Variants in RBM38 observed in about 807,000 individuals in gnomAD.
The protein encoded by RBM38 is RNA-binding protein 38.
In RBM38, 11 loss-of-function variants were observed where a neutral mutation model predicts 23.5. The observed-to-expected ratio is 0.47, with a 90% CI of 0.29 to 0.77. The LOEUF (loss-of-function observed/expected upper bound fraction) is 0.77. Among genes scored for constraint, RBM38 ranks in the 30% least tolerant of loss-of-function variants. RBM38 has a pLI of 0.08. For missense variants in RBM38, 330 were observed against 351.9 expected, an observed-to-expected ratio of 0.94 and a Z score of 0.50; for synonymous variants, 165 against 166.1, an observed-to-expected ratio of 0.99 and a Z score of 0.05.
At chr20:57,403,206 G>A (rs1320868009) in intron 3 of RBM38, among the ~76,000 whole-genome samples, 1 of 152,196 alleles carries the variant, frequency 6.6e-6, no homozygotes, top group Non-Finnish European at 1.5e-5. Flanking sequence ...GCACCTCTAG[G>A]CCTCACAGCA....
intron 2 of RBM38, 40 bp downstream of exon 2, chr20:57,392,817 C>G (rs1453129928): frequency 1.2e-5 from 19 of 1,602,468 alleles, no homozygotes; most frequent in Non-Finnish European, 1.6e-5. Context: ...TTCTCGGTTT[C>G]TATATTGGGT....
chr20:57,391,457 A>AG lies in RBM38; in HGVS notation c.-125_-124insG, dbSNP rs200611001. ...GGCGCACGTCGGCGCGCACGGCGGG[A>AG]CGGGCGCCGGAGTGGTCGGGCCTGG... is the stretch of plus-strand genomic sequence containing the variant. On this transcript the variant is annotated 5_prime_UTR_variant, in exon 1 of 4. Coordinates refer to ENST00000356208, the MANE Select transcript of RBM38 (RefSeq NM_017495.6). 155,903 of 156,202 alleles carry AG rather than the reference A, an allele frequency of 1. 77,868 individuals carry two copies. Among genetic ancestry groups the AG allele is most frequent in the Middle Eastern group, 1 (310 of 310 alleles). 9.7% of individuals were successfully genotyped at this position (156,202 alleles called of 1,614,324 possible).
rs1267252936 is a variant in RBM38, at chr20:57,407,598, C to G, written c.472C>G (p.Pro158Ala). The change falls in exon 4 of 4, where the codon CCA becomes GCA. Residue 158 changes from proline (P) to alanine (A), a missense_variant. Transcript: ENST00000356208. This position sits in a 1 kb window ranked among gnomAD's most constrained non-coding sequence, Gnocchi z 4.0. ...PAIVQPSVVI[P>A]AAPVPSLSSP... ...CATCGTGCAGCCCAGCGTGGTGATC[C>G]CAGCCGCCCCTGTCCCGTCGCTGTC... 7 of 1,613,764 alleles carry G rather than the reference C, an allele frequency of 4.3e-6. No homozygotes were observed. The highest frequency in any genetic ancestry group is 5.9e-6 in the Non-Finnish European group (7 of 1,179,854).
At chr20:57,403,421 C>T (rs1201283426) in intron 3 of RBM38, among the ~76,000 whole-genome samples, 1 of 152,204 alleles carries the variant, frequency 6.6e-6, no homozygotes, top group Non-Finnish European at 1.5e-5. Context: ...CTCACTCCCC[C>T]TTGGGGCTTG....
intron 3 of RBM38, among the ~76,000 whole-genome samples, chr20:57,406,601 C>A (rs529138939): frequency 6.6e-6 from 1 of 152,206 alleles, no homozygotes; most frequent in Admixed American, 6.5e-5. Flanking sequence ...TCTCTGTGGT[C>A]ACCGCCATTG....
rs1489926379 is a variant in RBM38 at position 57,409,126 on chromosome 20, A to C, written c.*1280A>C. The C allele has an allele frequency of 6.6e-6, 1 of 150,404 alleles. No individual in the cohort carries two copies. Among genetic ancestry groups the C allele is most frequent in the African/African-American group, 2.5e-5 (1 of 40,466 alleles). The allele number at this position is 150,404 out of a possible 1,614,324, so 9.3% of individuals were successfully genotyped here. A position where few individuals can be genotyped will look rare whatever the true frequency, so the allele number is the denominator to read the frequency against. On this transcript the variant is annotated 3_prime_UTR_variant, in exon 4 of 4. Coordinates refer to ENST00000356208, the MANE Select transcript of RBM38 (RefSeq NM_017495.6). ...GGGCTGTGGGGGTCTGGAGGAGGGG[A>C]CATGAGGTGAGAGGTATCCTGGCCG...
chr20:57,398,238 G>A (rs2067293909), intron 3 of RBM38, among the ~76,000 whole-genome samples: 1 of 145,820 alleles, frequency 6.9e-6, no homozygotes, highest in South Asian at 2.1e-4. Flanking sequence ...GGAGCTGTTT[G>A]CAGGTGATGG....
intron 3 of RBM38, among the ~76,000 whole-genome samples, chr20:57,402,679 C>T (rs541720601): frequency 2.6e-5 from 4 of 152,354 alleles, no homozygotes; most frequent in East Asian, 1.9e-4. Context: ...TGCGTGCACC[C>T]GCTCCCCATT....
chr20:57,401,105 C>A lies in RBM38; in HGVS notation c.417-6438C>A, dbSNP rs542079091. Among the ~76,000 whole-genome samples, 10 of 152,346 alleles carry A rather than the reference C, an allele frequency of 6.6e-5. No homozygotes were observed. In the South Asian group the frequency reaches 2.1e-3, roughly 32 times the overall value. On this transcript the variant is annotated intron_variant, in intron 3 of 3. Coordinates refer to ENST00000356208, the MANE Select transcript of RBM38 (RefSeq NM_017495.6). Reference sequence around the variant, plus strand: ...CCTGGCCGCTGGTCTGTTTTGCTCACCAAGGGTTCTTGGCTGCTGCCCCCT... The same window carrying A: ...CCTGGCCGCTGGTCTGTTTTGCTCAACAAGGGTTCTTGGCTGCTGCCCCCT...
chr20:57,397,804 A>C (rs1259093186), intron 3 of RBM38, among the ~76,000 whole-genome samples: 2 of 152,158 alleles, frequency 1.3e-5, no homozygotes, highest in Admixed American at 6.5e-5. Context: ...TAAGAAAGAC[A>C]CGGTCCCCGA....
intron 3 of RBM38, among the ~76,000 whole-genome samples, chr20:57,406,985 C>T (rs1181187587): frequency 7.0e-6 from 1 of 142,206 alleles, no homozygotes; most frequent in Non-Finnish European, 1.5e-5. Context: ...CAGAGCGAGA[C>T]TCTGTCTCAA....
intron 3 of RBM38, among the ~76,000 whole-genome samples, chr20:57,395,748 C>T (rs2067267849): frequency 6.6e-6 from 1 of 152,080 alleles, no homozygotes. Flanking sequence ...CCAGCCCCCG[C>T]CCGCTGACGG....
chr20:57,404,398 G>A (rs1178319417), intron 3 of RBM38, among the ~76,000 whole-genome samples: 1 of 152,252 alleles, frequency 6.6e-6, no homozygotes, highest in African/African-American at 2.4e-5. Flanking sequence ...CATGTTTGGA[G>A]AAGGTGTGTG....
At chr20:57,393,400 C>T (rs73917114) in intron 3 of RBM38, 67 bp downstream of exon 3, 1 of 1,505,906 alleles carries the variant, frequency 6.6e-7, no homozygotes, top group Non-Finnish European at 9.2e-7. Flanking sequence ...CCTTGGGCTT[C>T]CTGGGTCTGG....
intron 3 of RBM38, among the ~76,000 whole-genome samples, chr20:57,402,617 C>A (rs1390747991): frequency 6.6e-6 from 1 of 152,244 alleles, no homozygotes; most frequent in Non-Finnish European, 1.5e-5. Flanking sequence ...GCTGTGGCAC[C>A]TGAGCTTTCT....
At chr20:57,402,961 G>C (rs891808118) in intron 3 of RBM38, among the ~76,000 whole-genome samples, 6 of 152,218 alleles carry the variant, frequency 3.9e-5, no homozygotes. Context: ...CCACAGTCGG[G>C]CGTCTCAGCC....
rs2067233216 is a variant in RBM38 at position 57,392,721 on chromosome 20, G to A, written c.305G>A (p.Arg102His). The A allele has an allele frequency of 1.2e-6, 2 of 1,612,840 alleles. No homozygotes were observed. The highest frequency in any genetic ancestry group is 1.3e-5 in the African/African-American group (1 of 74,942). The part of the protein sequence containing the change: ...CKDPNPIIDG[R>H]KANVNLAYLG... ...GACCCGAACCCCATCATCGACGGCC[G>A]CAAGGCCAACGTGAACCTGGCATAT... The change falls in exon 2 of 4, where the codon CGC (arginine) becomes CAC (histidine). Residue 102 changes from arginine to histidine, a missense_variant. Arg to His is a conservative substitution (Grantham distance 29). Transcript: ENST00000356208.
At chr20:57,394,257 G>A (rs1452868430) in intron 3 of RBM38, among the ~76,000 whole-genome samples, 1 of 151,570 alleles carries the variant, frequency 6.6e-6, no homozygotes, top group Non-Finnish European at 1.5e-5. Flanking sequence ...CACAGCTTGA[G>A]GAGTAACCTG....
intron 3 of RBM38, among the ~76,000 whole-genome samples, chr20:57,406,743 C>T (rs1033260660): frequency 1.3e-4 from 20 of 152,258 alleles, no homozygotes; most frequent in Non-Finnish European, 2.8e-4. Flanking sequence ...CCTGTAATCC[C>T]AGCACTTTGG....
Sources: allele counts gnomAD v4.1 joint callset (sites outside exome capture counted in the v4.1 genomes callset), GRCh38; gene constraint gnomAD v4.1.1; non-coding constraint Gnocchi (gnomAD v3.1); transcripts MANE v1.5; gene names NCBI Gene and HGNC (gene_info 2026-07-23, HGNC 2026-07-21).